Variants in GPHN observed in about 807,000 individuals in gnomAD.
GPHN encodes the protein gephyrin.
A neutral mutation model predicts 95.5 loss-of-function variants in GPHN; 17 were observed. That is an observed-to-expected ratio of 0.18 (90% CI 0.12 to 0.27). The LOEUF is 0.27. Ranked by LOEUF, GPHN falls within the 10% of genes least tolerant of loss-of-function variation. The pLI, the probability that GPHN is intolerant of heterozygous loss-of-function variation, is 1.00. For missense variants in GPHN, 660 were observed against 978.1 expected, an observed-to-expected ratio of 0.67 and a Z score of 4.34; for synonymous variants, 320 against 322.5, an observed-to-expected ratio of 0.99 and a Z score of 0.08.
chr14:67,387,268 C>G, the GPHN span: 1 of 1,537,044 alleles, frequency 6.5e-7, no homozygotes, highest in Non-Finnish European at 8.8e-7. Flanking sequence ...TCCCATTCTC[C>G]AGGAACTCTT....
At chr14:67,005,082 T>A (rs1401368616) in intron 9 of GPHN, among the ~76,000 whole-genome samples, 1 of 151,396 alleles carries the variant, frequency 6.6e-6, no homozygotes, top group African/African-American at 2.4e-5. Context: ...TGAAAGGGAA[T>A]TTGGTCTTTT....
the GPHN span, among the ~76,000 whole-genome samples, chr14:67,416,944 C>T: frequency 3.3e-5 from 5 of 152,226 alleles, no homozygotes; most frequent in South Asian, 8.3e-4. Flanking sequence ...ACAGCCTCTG[C>T]CACAAGTGAC....
the GPHN span, among the ~76,000 whole-genome samples, chr14:67,298,097 G>T: frequency 1.3e-5 from 2 of 152,076 alleles, no homozygotes; most frequent in African/African-American, 4.8e-5. Flanking sequence ...TGGAAAAGAC[G>T]AAAGAATCAG....
chr14:67,731,368 C>G, the GPHN span, among the ~76,000 whole-genome samples: 1 of 151,834 alleles, frequency 6.6e-6, no homozygotes, highest in Admixed American at 6.6e-5. Flanking sequence ...GTGCATGCCA[C>G]GACGCCCAGC....
intron 1 of GPHN, among the ~76,000 whole-genome samples, chr14:66,605,568 C>T (rs560198391): frequency 1.6e-5 from 2 of 128,942 alleles, no homozygotes; most frequent in African/African-American, 6.3e-5. Flanking sequence ...CTCACTCTGT[C>T]GCCCAGACTG....
At chr14:67,651,339 T>C in the GPHN span, 1 of 1,612,004 alleles carries the variant, frequency 6.2e-7, no homozygotes, top group Non-Finnish European at 8.5e-7. Flanking sequence ...ACATCATGCA[T>C]TCACAAGGTC....
chr14:66,761,683 G>T (rs1311800971), intron 2 of GPHN, among the ~76,000 whole-genome samples: 62 of 144,010 alleles, frequency 4.3e-4, no homozygotes, highest in African/African-American at 1.4e-3. Flanking sequence ...TTTTTGAGAT[G>T]GAGTCTCTTT....
At chr14:67,565,437 G>T in the GPHN span, among the ~76,000 whole-genome samples, 5 of 152,122 alleles carry the variant, frequency 3.3e-5, no homozygotes, top group African/African-American at 1.2e-4. Context: ...TAGGGATGGA[G>T]TATCCCTATG....
At chr14:67,107,011 G>A (rs1235461675) in intron 13 of GPHN, among the ~76,000 whole-genome samples, 1 of 152,034 alleles carries the variant, frequency 6.6e-6, no homozygotes, top group Non-Finnish European at 1.5e-5. Context: ...GGTTGCAAAG[G>A]GTATGGTGAC....
intron 3 of GPHN, among the ~76,000 whole-genome samples, chr14:66,793,446 G>A (rs1161642651): frequency 1.3e-5 from 2 of 152,060 alleles, no homozygotes; most frequent in Admixed American, 1.3e-4. Context: ...GAAATAAGAT[G>A]GTTAATATAA....
the GPHN span, among the ~76,000 whole-genome samples, chr14:67,439,383 T>C: frequency 2.4e-4 from 36 of 152,304 alleles, no homozygotes; most frequent in South Asian, 7.3e-3. Context: ...ACTTCTCTTC[T>C]CTCAGCTGCA....
At chr14:66,652,876 G>A (rs2065111749) in intron 1 of GPHN, among the ~76,000 whole-genome samples, 2 of 152,128 alleles carry the variant, frequency 1.3e-5, no homozygotes, top group Non-Finnish European at 2.9e-5. Flanking sequence ...AAGAGCCTTT[G>A]GGAATAGGTG....
chr14:66,518,188 A>G (rs934764992), intron 1 of GPHN, among the ~76,000 whole-genome samples: 6 of 152,086 alleles, frequency 3.9e-5, no homozygotes, highest in African/African-American at 1.2e-4. Flanking sequence ...AAAAGATGGG[A>G]TATTTCTCAA....
rs1203659524 is a variant in GPHN, at chr14:66,508,507, G to T, written c.-21G>T. 1 of 1,613,166 alleles carries T rather than the reference G, an allele frequency of 6.2e-7. No individual in the cohort carries two copies. Among genetic ancestry groups the T allele is most frequent in the South Asian group, 1.1e-5 (1 of 91,066 alleles). ...CCGGTTTCTCCCGGCTCCTGTCAGT[G>T]CGGTGACTGCGCTGGGAAACATGGC... On this transcript the variant is annotated 5_prime_UTR_variant, in exon 1 of 23. Coordinates refer to ENST00000478722, the MANE Select transcript of GPHN (RefSeq NM_020806.5).
chr14:67,382,651 A>G, the GPHN span: 21 of 1,578,600 alleles, frequency 1.3e-5, no homozygotes, highest in Non-Finnish European at 1.8e-5. Flanking sequence ...GAGTTCTTGT[A>G]GGTAAATAAG....
At chr14:66,762,085 G>A (rs1483588655) in intron 2 of GPHN, among the ~76,000 whole-genome samples, 2 of 151,694 alleles carry the variant, frequency 1.3e-5, no homozygotes, top group East Asian at 3.9e-4. Flanking sequence ...TAGAATTTAT[G>A]GGTACGCCAT....
the GPHN span, chr14:67,397,523 G>C: frequency 1.5e-6 from 1 of 661,102 alleles, no homozygotes; most frequent in Non-Finnish European, 2.5e-6. Flanking sequence ...CCTGGTATGT[G>C]GCGGAGCCAG....
rs976249915 is a variant in GPHN at position 66,963,763 on chromosome 14, A to G, written c.829-1428A>G. On this transcript the variant is annotated intron_variant, in intron 8 of 22. Coordinates refer to ENST00000478722, the MANE Select transcript of GPHN (RefSeq NM_020806.5). ...TTTATGACTATATTGTTTATAAACC[A>G]TATAAAATTTCAAACACTGAAATGG... Among the ~76,000 whole-genome samples the G allele has an allele frequency of 4.6e-5, 7 of 152,174 alleles. No homozygotes were observed. The East Asian group carries it at 9.6e-4, about 21-fold the overall frequency.
chr14:67,412,294 T>C, the GPHN span: 7 of 440,662 alleles, frequency 1.6e-5, 1 homozygote, highest in South Asian at 3.3e-4. Context: ...GGGTCGGTGG[T>C]TGGTCCTCCA....
Sources: gnomAD v4.1 joint callset for allele counts (sites outside exome capture counted in the v4.1 genomes callset) on GRCh38, gnomAD v4.1.1 for gene constraint, MANE v1.5 for transcripts, NCBI Gene and HGNC (gene_info 2026-07-23, HGNC 2026-07-21) for gene names.